Variants in CDK17 observed in about 807,000 individuals in gnomAD.
The protein encoded by CDK17 is cyclin-dependent kinase 17.
Under a neutral mutation model 77.6 loss-of-function variants are expected in CDK17, and 24 were observed. The observed-to-expected ratio is 0.31, with a 90% CI of 0.22 to 0.44. The LOEUF is 0.44. Among genes scored for constraint, CDK17 ranks in the 20% least tolerant of loss-of-function variants. CDK17 has a pLI of 1.00. For synonymous variants in CDK17, 203 were observed against 210.4 expected (o/e 0.96, Z 0.30); for missense variants, 429 against 622.5 (o/e 0.69, Z 3.31).
At chr12:96,285,449 G>T (rs576927081) in intron 13 of CDK17, among the ~76,000 whole-genome samples, 2 of 152,046 alleles carry the variant, frequency 1.3e-5, no homozygotes, top group Admixed American at 6.6e-5. Context: ...ATTTGGGGGG[G>T]TTGGGGGCAG....
chr12:96,362,034 A>C (rs1020120537), intron 1 of CDK17, among the ~76,000 whole-genome samples: 2 of 152,192 alleles, frequency 1.3e-5, no homozygotes, highest in Non-Finnish European at 2.9e-5. Flanking sequence ...ACTTTTTATT[A>C]ATATTTATCT....
intron 4 of CDK17, among the ~76,000 whole-genome samples, chr12:96,312,833 G>A (rs980367673): frequency 6.6e-6 from 1 of 151,784 alleles, no homozygotes; most frequent in Admixed American, 6.6e-5. Context: ...TAGGTACAGT[G>A]AACCACAAAG....
In CDK17 at chr12:96,400,127, C is replaced by T. The variant is rs1216087100; in HGVS notation, c.-171G>A. On this transcript the variant is annotated 5_prime_UTR_variant, in exon 1 of 17. Transcript: ENST00000261211. Reference sequence around the variant, plus strand: ...GTGAGGCGCTTCCGAGCGCAGGCCTCCGCCGCCACAGCCGCCTTCCGGCTC... The same window carrying T: ...GTGAGGCGCTTCCGAGCGCAGGCCTTCGCCGCCACAGCCGCCTTCCGGCTC... 1 of 393,458 alleles carries T rather than the reference C, an allele frequency of 2.5e-6. No homozygotes were observed. The highest frequency in any genetic ancestry group is 2.1e-5 in the African/African-American group (1 of 48,352). 24.4% of individuals were successfully genotyped at this position (393,458 alleles called of 1,614,324 possible).
intron 1 of CDK17, among the ~76,000 whole-genome samples, chr12:96,380,282 G>GT (rs1565843800): frequency 3.3e-4 from 38 of 116,216 alleles, no homozygotes; most frequent in African/African-American, 9.2e-4. Context: ...CTTTTTAGCT[G>GT]GTTTTTTTTT....
At chr12:96,386,313 T>C (rs188919934) in intron 1 of CDK17, among the ~76,000 whole-genome samples, 1 of 152,270 alleles carries the variant, frequency 6.6e-6, no homozygotes, top group Non-Finnish European at 1.5e-5. Flanking sequence ...TTTAATCACT[T>C]TGCCTTCACT....
At chr12:96,389,565 A>C (rs1052377159) in intron 1 of CDK17, among the ~76,000 whole-genome samples, 1 of 152,186 alleles carries the variant, frequency 6.6e-6, no homozygotes, top group African/African-American at 2.4e-5. Flanking sequence ...AAATTATTGC[A>C]ACACACAATA....
chr12:96,358,857 C>T (rs1184203747), intron 1 of CDK17, among the ~76,000 whole-genome samples: 1 of 149,070 alleles, frequency 6.7e-6, no homozygotes, highest in African/African-American at 2.5e-5. Flanking sequence ...CCCACCCCAC[C>T]CCACCCCAAA....
intron 10 of CDK17, among the ~76,000 whole-genome samples, chr12:96,292,583 T>A (rs1014716273): frequency 6.6e-6 from 1 of 152,062 alleles, no homozygotes; most frequent in Non-Finnish European, 1.5e-5. Context: ...TCAGCCAGGG[T>A]GACAGAGCAA....
At chr12:96,346,434 A>T (rs1008352412) in intron 1 of CDK17, among the ~76,000 whole-genome samples, 1 of 146,824 alleles carries the variant, frequency 6.8e-6, no homozygotes, top group African/African-American at 2.5e-5. Flanking sequence ...CCTGGGTGAC[A>T]GAGTGAGACT....
At chr12:96,301,148 T>C (rs1271440796) in intron 5 of CDK17, among the ~76,000 whole-genome samples, 1 of 147,498 alleles carries the variant, frequency 6.8e-6, no homozygotes, top group Admixed American at 7.0e-5. Context: ...AAAAGACAAC[T>C]GAAAATCATG....
intron 2 of CDK17, among the ~76,000 whole-genome samples, chr12:96,326,806 G>A (rs944838541): frequency 2.0e-5 from 3 of 152,196 alleles, no homozygotes; most frequent in Non-Finnish European, 4.4e-5. Flanking sequence ...GTACCTAACC[G>A]TGCGGGCAAC....
At chr12:96,329,888 A>C (rs1014951719) in intron 2 of CDK17, among the ~76,000 whole-genome samples, 1 of 152,196 alleles carries the variant, frequency 6.6e-6, no homozygotes, top group African/African-American at 2.4e-5. Context: ...AGCTGTTAAG[A>C]ATGAGAATTT....
intron 3 of CDK17, among the ~76,000 whole-genome samples, chr12:96,315,524 T>TA (rs1952699435): frequency 6.6e-6 from 1 of 152,232 alleles, no homozygotes; most frequent in South Asian, 2.1e-4. Context: ...ATTTGGTATA[T>TA]AACACATCTA....
At chr12:96,383,637 G>A (rs928299293) in intron 1 of CDK17, among the ~76,000 whole-genome samples, 5 of 152,032 alleles carry the variant, frequency 3.3e-5, no homozygotes, top group African/African-American at 4.8e-5. Context: ...CCGTCTGATC[G>A]TCTGATCAAC....
At chr12:96,391,052 A>G (rs972816234) in intron 1 of CDK17, among the ~76,000 whole-genome samples, 3 of 150,790 alleles carry the variant, frequency 2.0e-5, no homozygotes, top group Non-Finnish European at 4.4e-5. Context: ...GCACCACTGC[A>G]CTCCAACCTA....
At chr12:96,291,264 A>G (rs937656522) in intron 10 of CDK17, among the ~76,000 whole-genome samples, 12 of 152,298 alleles carry the variant, frequency 7.9e-5, no homozygotes, top group African/African-American at 2.9e-4. Flanking sequence ...AAGCACTCAG[A>G]GTATTCCCTG....
At chr12:96,397,241 T>C (rs2137255822) in intron 1 of CDK17, among the ~76,000 whole-genome samples, 1 of 152,302 alleles carries the variant, frequency 6.6e-6, no homozygotes, top group African/African-American at 2.4e-5. Flanking sequence ...AATCTGCGCT[T>C]AGTCAACATA....
chr12:96,371,494 T>G (rs886229897), intron 1 of CDK17, among the ~76,000 whole-genome samples: 12 of 152,184 alleles, frequency 7.9e-5, no homozygotes, highest in Non-Finnish European at 1.6e-4. Flanking sequence ...TGACAGCTAC[T>G]GTAAGAATGA....
At chr12:96,323,262 G>A (rs1187017193) in intron 3 of CDK17, among the ~76,000 whole-genome samples, 6 of 134,778 alleles carry the variant, frequency 4.5e-5, no homozygotes, top group South Asian at 2.5e-4. Context: ...GTGAGACCCC[G>A]TCTTCTAAAA....
Sources: allele counts gnomAD v4.1 joint callset (sites outside exome capture counted in the v4.1 genomes callset), GRCh38; gene constraint gnomAD v4.1.1; transcripts MANE v1.5; gene names NCBI Gene and HGNC (gene_info 2026-07-23, HGNC 2026-07-21).